NDUFV3: variants seen among roughly 807,000 people sequenced by gnomAD.
NDUFV3 encodes NADH:ubiquinone oxidoreductase subunit V3.
In NDUFV3, 44 loss-of-function variants were observed where a neutral mutation model predicts 37.5. That is an observed-to-expected ratio of 1.17 (90% confidence interval 0.92 to 1.51). The LOEUF is 1.51. Among genes scored for constraint, NDUFV3 ranks in the 40% most tolerant of loss-of-function variants. NDUFV3 has a pLI of 0.00. For missense variants in NDUFV3, 580 were observed against 580.4 expected, an observed-to-expected ratio of 1.00 and a Z score of 0.01; for synonymous variants, 235 against 239.3, an observed-to-expected ratio of 0.98 and a Z score of 0.17.
chr21:42,904,178 A>G lies in NDUFV3; in HGVS notation c.1166A>G (p.His389Arg). Residue 389 changes from histidine to arginine, a missense_variant, in exon 3 of 4, where the codon CAC becomes CGC. By Grantham distance (29) the His-to-Arg change is conservative. Transcript: ENST00000354250. ...NLETVPVENN[H>R]GFHEKTAALK... ...GAGACAGTTCCTGTTGAGAATAACC[A>G]CGGTTTCCATGAAAAGACAGCAGCG... The G allele has an allele frequency of 6.2e-7, 1 of 1,614,150 alleles. No homozygotes were observed. Among genetic ancestry groups the G allele is most frequent in the Non-Finnish European group, 8.5e-7 (1 of 1,180,020 alleles).
At chr21:42,899,833 A>G (rs2058711557) in intron 2 of NDUFV3, among the ~76,000 whole-genome samples, 2 of 140,564 alleles carry the variant, frequency 1.4e-5, no homozygotes, top group African/African-American at 3.0e-5. Flanking sequence ...TCCTGCCTCA[A>G]CCTCCCAAAG....
At chr21:42,907,194 T>G (rs2058745653) in intron 3 of NDUFV3, among the ~76,000 whole-genome samples, 2 of 152,194 alleles carry the variant, frequency 1.3e-5, no homozygotes, top group African/African-American at 4.8e-5. Context: ...AGTTTCGAAT[T>G]ACCAAATGTT....
Position 42,904,113 on chromosome 21 carries a change from A to G in NDUFV3, c.1101A>G (p.Gly367=), listed in dbSNP as rs765316315. ...GAATAGAAGGCCACCTGAAGGGTGG[A>G]CAGGCAATCGTGGAAGATCAGATAC... ...TQGIEGHLKG[G]QAIVEDQIPP... is the part of the protein sequence containing the mutation. Residue 367 remains glycine (G), a synonymous_variant, in exon 3 of 4, where the codon GGA becomes GGG. Transcript: ENST00000354250. 6.2e-7 allele frequency: 1 copy of G among 1,614,254 alleles called. No homozygotes were observed. The highest frequency in any genetic ancestry group is 8.5e-7 in the Non-Finnish European group (1 of 1,180,042).
chr21:42,903,031 G>T, intron 2 of NDUFV3, 151 bp from the exon 3 acceptor site: 5 of 1,069,836 alleles, frequency 4.7e-6, no homozygotes, highest in East Asian at 2.6e-5. Context: ...ATCCTCAGTT[G>T]GTTGCTTGGT....
chr21:42,894,704 T>C (rs1168377862), intron 1 of NDUFV3, among the ~76,000 whole-genome samples: 1 of 149,118 alleles, frequency 6.7e-6, no homozygotes, highest in Non-Finnish European at 1.5e-5. Context: ...AAAGTACAGA[T>C]AGGGAAATTC....
At chr21:42,894,161 G>T (rs2058670814) in intron 1 of NDUFV3, among the ~76,000 whole-genome samples, 1 of 148,508 alleles carries the variant, frequency 6.7e-6, no homozygotes, top group South Asian at 2.1e-4. Flanking sequence ...GTTGCAGTGA[G>T]CCGAGATCAT....
In NDUFV3 at chr21:42,904,155, G is replaced by A. The variant is rs1448878150; in HGVS notation, c.1143G>A (p.Glu381=). The change falls in exon 3 of 4, where the codon GAG becomes GAA. Residue 381 remains glutamate, a synonymous_variant. Transcript: ENST00000354250. ...VEDQIPPSNL[E]TVPVENNHGF... Reference sequence around the variant, plus strand: ...ATCAGATACCACCAAGCAATTTGGAGACAGTTCCTGTTGAGAATAACCACG... The same window carrying A: ...ATCAGATACCACCAAGCAATTTGGAAACAGTTCCTGTTGAGAATAACCACG... 14 of 1,614,104 alleles carry A rather than the reference G, an allele frequency of 8.7e-6. No homozygotes were observed. The highest frequency in any genetic ancestry group is 1.2e-5 in the Non-Finnish European group (14 of 1,180,044).
At chr21:42,906,410 T>A (rs896433932) in intron 3 of NDUFV3, among the ~76,000 whole-genome samples, 1 of 152,066 alleles carries the variant, frequency 6.6e-6, no homozygotes, top group African/African-American at 2.4e-5. Context: ...TGCGACAGGA[T>A]CTATGTGTTT....
rs988743133 is a variant in NDUFV3 at position 42,903,188 on chromosome 21, T to C, written c.176T>C (p.Val59Ala). The C allele has an allele frequency of 3.7e-6, 6 of 1,614,192 alleles. No individual in the cohort carries two copies. The highest frequency in any genetic ancestry group is 5.1e-6 in the Non-Finnish European group (6 of 1,180,026). The change falls in exon 3 of 4, where the codon GTG (valine) becomes GCG (alanine). Residue 59 changes from valine to alanine, a missense_variant. Transcript: ENST00000354250. ...SKKQSPPKNVVEPKERGKLLA... is the reference protein window; with the variant it reads ...SKKQSPPKNVAEPKERGKLLA... ...TCTTTATGCCGTTTCCCAGATGTAGTGGAACCAAAGGAGAGGGGCAAGCTC... is the reference window on the plus strand; with the variant it reads ...TCTTTATGCCGTTTCCCAGATGTAGCGGAACCAAAGGAGAGGGGCAAGCTC...
chr21:42,911,251 T>C lies in NDUFV3; in HGVS notation c.*2230T>C, dbSNP rs34033960. Reference sequence around the variant, plus strand: ...CGTGAGACTGCATCTCAAAAAAAAATTTTTTTTTTTAAATATCAAAATTGA... The same window carrying C: ...CGTGAGACTGCATCTCAAAAAAAAACTTTTTTTTTTAAATATCAAAATTGA... On this transcript the variant is annotated 3_prime_UTR_variant, in exon 4 of 4. Coordinates refer to ENST00000354250, the MANE Select transcript of NDUFV3 (RefSeq NM_021075.4). 6.7e-6 allele frequency: 1 copy of C among 150,138 alleles called. No individual in the cohort carries two copies. Among genetic ancestry groups the C allele is most frequent in the East Asian group, 2.0e-4 (1 of 5,116 alleles). The allele number at this position is 150,138 out of a possible 1,614,324, so 9.3% of individuals were successfully genotyped here.
rs142944208 is a variant in NDUFV3 at position 42,897,866 on chromosome 21, T to C, written c.169+819T>C. ...TAATTTTTTACATTTTTAGTAGAGG[T>C]GGGGTTTCACCATGTTAGCCGGGAT... On this transcript the variant is annotated intron_variant, in intron 2 of 3. Coordinates refer to ENST00000354250, the MANE Select transcript of NDUFV3 (RefSeq NM_021075.4). Among the ~76,000 whole-genome samples, 692 of 149,024 alleles carry C rather than the reference T, an allele frequency of 4.6e-3. 4 individuals are homozygous for C. Among genetic ancestry groups the C allele is most frequent in the East Asian group, 0.014 (70 of 4,984 alleles).
intron 3 of NDUFV3, among the ~76,000 whole-genome samples, chr21:42,905,349 A>G (rs1281514802): frequency 6.6e-6 from 1 of 152,218 alleles, no homozygotes; most frequent in Non-Finnish European, 1.5e-5. Context: ...TCCTGTGCAC[A>G]GGGCAGATTC....
At chr21:42,895,123 C>G (rs1402425907) in intron 1 of NDUFV3, among the ~76,000 whole-genome samples, 2 of 151,832 alleles carry the variant, frequency 1.3e-5, no homozygotes. Flanking sequence ...TTTGGGAGGC[C>G]AAGACAGGTG....
intron 2 of NDUFV3, among the ~76,000 whole-genome samples, chr21:42,902,499 A>G (rs1421941746): frequency 1.3e-5 from 2 of 152,314 alleles, no homozygotes; most frequent in African/African-American, 2.4e-5. Flanking sequence ...CCATGCCCTC[A>G]CTTTTCAACT....
rs1408527829 is a variant in NDUFV3, at chr21:42,912,405, A to T, written c.*3384A>T. ...ACTGCAGATGATTTCTTGATAGTCC[A>T]TCTGGTGGCAATACAGTGGTCACCC... On this transcript the variant is annotated 3_prime_UTR_variant, in exon 4 of 4. Transcript: ENST00000354250. The T allele has an allele frequency of 6.6e-6, 1 of 152,198 alleles. No homozygotes were observed. Among genetic ancestry groups the T allele is most frequent in the Non-Finnish European group, 1.5e-5 (1 of 68,072 alleles). 9.4% of individuals were successfully genotyped at this position (152,198 alleles called of 1,614,324 possible). A position where few individuals can be genotyped will look rare whatever the true frequency, so the allele number is the denominator to read the frequency against.
chr21:42,902,763 G>C (rs747367610), intron 2 of NDUFV3, among the ~76,000 whole-genome samples: 35 of 152,214 alleles, frequency 2.3e-4, no homozygotes, highest in Non-Finnish European at 3.8e-4. Flanking sequence ...TATCTGAGGG[G>C]AATTGGTTCT....
intron 1 of NDUFV3, among the ~76,000 whole-genome samples, chr21:42,894,162 C>G (rs1457036833): frequency 1.3e-5 from 2 of 148,350 alleles, no homozygotes; most frequent in Admixed American, 6.9e-5. Flanking sequence ...TTGCAGTGAG[C>G]CGAGATCATA....
Position 42,894,371 on chromosome 21 carries a change from T to TATAATATATATTATATTATATATA in NDUFV3, c.48+990_48+991insATAATATATATTATATTATATATA, listed in dbSNP as rs59005349. On this transcript the variant is annotated intron_variant, in intron 1 of 3. Transcript: ENST00000354250. ...TATATAAATATATATTATATATATA[T>TATAATATATATTATATTATATATA]TTATATAATATGTAAATATATATTA... Among the ~76,000 whole-genome samples the TATAATATATATTATATTATATATA allele has an allele frequency of 2.2e-3, 51 of 22,888 alleles. 7 individuals are homozygous for TATAATATATATTATATTATATATA. In the African/African-American group the frequency reaches 0.053, roughly 24 times the overall value. The allele number at this position is 22,888 out of a possible 152,430, so 15.0% of individuals were successfully genotyped here. A position where few individuals can be genotyped will look rare whatever the true frequency, so the allele number is the denominator to read the frequency against.
chr21:42,908,388 ATCTT>A (rs1186186828), intron 3 of NDUFV3, among the ~76,000 whole-genome samples: 3 of 151,984 alleles, frequency 2.0e-5, no homozygotes, highest in African/African-American at 7.2e-5. Flanking sequence ...TCCAAGTAAT[ATCTT>A]TCTTTTTCTT....
Sources: gnomAD v4.1 joint callset for allele counts (sites outside exome capture counted in the v4.1 genomes callset) on GRCh38, gnomAD v4.1.1 for gene constraint, MANE v1.5 for transcripts, NCBI Gene and HGNC (gene_info 2026-07-23, HGNC 2026-07-21) for gene names.